The following ASIC2 variants were observed in gnomAD, a reference collection of about 807,000 sequenced individuals.
ASIC2 encodes the protein acid sensing ion channel subunit 2, also known as acid-sensing ion channel 2.
ASIC2 carries 25 observed loss-of-function variants against 57.3 expected under a neutral mutation model. That is an observed-to-expected ratio of 0.44 (90% CI 0.32 to 0.61). The LOEUF is 0.61. Among genes scored for constraint, ASIC2 ranks in the 20% least tolerant of loss-of-function variants. ASIC2 has a pLI of 0.06. For synonymous variants in ASIC2, 319 were observed against 307.5 expected (o/e 1.04, Z -0.39); for missense variants, 641 against 738.1 (o/e 0.87, Z 1.52).
intron 1 of ASIC2, among the ~76,000 whole-genome samples, chr17:33,814,954 G>C (rs1417512625): frequency 1.3e-5 from 2 of 152,166 alleles, no homozygotes; most frequent in African/African-American, 4.8e-5. Context: ...TGGGAAAAAA[G>C]TGCATATGTG....
chr17:33,685,278 A>G (rs904439479), intron 1 of ASIC2, among the ~76,000 whole-genome samples: 1 of 152,136 alleles, frequency 6.6e-6, no homozygotes, highest in African/African-American at 2.4e-5. Context: ...CTCCTGATCT[A>G]CCATGCCCTG....
intron 1 of ASIC2, among the ~76,000 whole-genome samples, chr17:33,579,763 T>C (rs958834712): frequency 4.6e-5 from 7 of 152,112 alleles, no homozygotes; most frequent in African/African-American, 1.2e-4. Flanking sequence ...GCAAAACTCA[T>C]TCAGAAGAGC....
chr17:34,034,078 A>G (rs1304625517), intron 1 of ASIC2, among the ~76,000 whole-genome samples: 1 of 152,222 alleles, frequency 6.6e-6, no homozygotes, highest in African/African-American at 2.4e-5. Flanking sequence ...TTTTAGACCA[A>G]TATCCTTGAT....
At chr17:33,314,467 A>T (rs1906560700) in intron 1 of ASIC2, among the ~76,000 whole-genome samples, 1 of 152,158 alleles carries the variant, frequency 6.6e-6, no homozygotes, top group African/African-American at 2.4e-5. Context: ...TCCCTGGTGG[A>T]CAGGGAGAAA....
chr17:33,842,718 T>C (rs188106752), intron 1 of ASIC2, among the ~76,000 whole-genome samples: 28 of 152,238 alleles, frequency 1.8e-4, no homozygotes, highest in African/African-American at 6.7e-4. Context: ...TAGAGGGATA[T>C]TGACAAACTG....
intron 1 of ASIC2, among the ~76,000 whole-genome samples, chr17:34,028,554 A>G (rs1907463908): frequency 6.6e-6 from 1 of 152,164 alleles, no homozygotes; most frequent in African/African-American, 2.4e-5. Context: ...TTACTCTTTT[A>G]ATAATGCATG....
chr17:33,848,159 G>A (rs185591108), intron 1 of ASIC2, among the ~76,000 whole-genome samples: 31 of 152,210 alleles, frequency 2.0e-4, no homozygotes, highest in African/African-American at 6.5e-4. Flanking sequence ...GCAACCAGAA[G>A]GGCAGCCCTA....
At chr17:33,286,778 T>A (rs2142176057) in intron 1 of ASIC2, among the ~76,000 whole-genome samples, 1 of 152,310 alleles carries the variant, frequency 6.6e-6, no homozygotes, top group South Asian at 2.1e-4. Flanking sequence ...GCTCCTGGTA[T>A]CTATTCACAC....
chr17:33,082,714 AAAT>A (rs2092118003), intron 3 of ASIC2, among the ~76,000 whole-genome samples: 1 of 150,250 alleles, frequency 6.7e-6, no homozygotes, highest in African/African-American at 2.5e-5. Context: ...ATAAATAAAT[AAAT>A]AAATAAATAA....
At chr17:34,123,133 T>C (rs1911675176) in intron 1 of ASIC2, among the ~76,000 whole-genome samples, 1 of 151,642 alleles carries the variant, frequency 6.6e-6, no homozygotes, top group Non-Finnish European at 1.5e-5. Context: ...GAAGGTAGAA[T>C]CCCCTAGAAC....
chr17:33,045,318 A>G (rs1033981501), intron 3 of ASIC2, among the ~76,000 whole-genome samples: 1 of 152,196 alleles, frequency 6.6e-6, no homozygotes, highest in Non-Finnish European at 1.5e-5. Flanking sequence ...GTGCCTGTGC[A>G]TGCCGACGCA....
intron 1 of ASIC2, among the ~76,000 whole-genome samples, chr17:33,877,877 C>T (rs956242447): frequency 6.6e-6 from 1 of 152,224 alleles, no homozygotes; most frequent in East Asian, 1.9e-4. Flanking sequence ...CAGACTGACA[C>T]CTCACACAGC....
At chr17:33,560,680 G>A (rs1028263978) in intron 1 of ASIC2, among the ~76,000 whole-genome samples, 1 of 152,206 alleles carries the variant, frequency 6.6e-6, no homozygotes, top group Non-Finnish European at 1.5e-5. Flanking sequence ...AGCAACGAAT[G>A]TGACCATGGA....
chr17:33,561,108 A>T (rs968089672), intron 1 of ASIC2, among the ~76,000 whole-genome samples: 2 of 152,160 alleles, frequency 1.3e-5, no homozygotes, highest in Non-Finnish European at 2.9e-5. Flanking sequence ...CGTTATGACG[A>T]AAAGGGAGAT....
rs201097903 is a variant in ASIC2 at position 33,068,896 on chromosome 17, C to CT, written c.987+19966dup. 6.4e-3 allele frequency among the ~76,000 whole-genome samples: 960 copies of CT among 151,010 alleles called. 6 individuals carry two copies. The highest frequency in any genetic ancestry group is 0.022 in the African/African-American group (888 of 41,222). Reference sequence around the variant, plus strand: ...CTTAGTGTTGGCTCAATTTGCTCTTCTTTTTTTTTAGTTTTTTAATGCAGA... The same window carrying CT: ...CTTAGTGTTGGCTCAATTTGCTCTTCTTTTTTTTTTAGTTTTTTAATGCAGA... On this transcript the variant is annotated intron_variant, in intron 3 of 9. Transcript: ENST00000225823.
chr17:33,898,567 A>G (rs1366105929), intron 1 of ASIC2, among the ~76,000 whole-genome samples: 1 of 152,170 alleles, frequency 6.6e-6, no homozygotes. Flanking sequence ...TTCCCGTAGT[A>G]CAATAATCAA....
chr17:34,019,302 T>C (rs139778146), intron 1 of ASIC2, among the ~76,000 whole-genome samples: 288 of 152,178 alleles, frequency 1.9e-3, no homozygotes, highest in African/African-American at 6.7e-3. Context: ...GTCAATAGAG[T>C]AGCAGCATGG....
At chr17:33,893,081 A>G (rs1042411346) in intron 1 of ASIC2, among the ~76,000 whole-genome samples, 2 of 152,194 alleles carry the variant, frequency 1.3e-5, no homozygotes, top group African/African-American at 4.8e-5. Context: ...ATTACATACT[A>G]TGGAAGGGAA....
intron 1 of ASIC2, among the ~76,000 whole-genome samples, chr17:33,129,140 T>C (rs1238601677): frequency 6.6e-6 from 1 of 152,242 alleles, no homozygotes; most frequent in Non-Finnish European, 1.5e-5. Flanking sequence ...GTAAAGTGAG[T>C]ACACCTGTGT....
Sources: gnomAD v4.1 joint callset for allele counts (sites outside exome capture counted in the v4.1 genomes callset) on GRCh38, gnomAD v4.1.1 for gene constraint, MANE v1.5 for transcripts, NCBI Gene and HGNC (gene_info 2026-07-23, HGNC 2026-07-21) for gene names.